Variants in RASEF observed in about 807,000 individuals in gnomAD.
The protein encoded by RASEF is RAS and EF-hand domain containing.
In RASEF, 68 loss-of-function variants were observed where a neutral mutation model predicts 90.1. The observed-to-expected ratio is 0.75, with a 90% CI of 0.62 to 0.92. The LOEUF is 0.92. Among genes scored for constraint, RASEF ranks in the 40% least tolerant of loss-of-function variants. RASEF has a pLI of 0.00. For missense variants in RASEF, 949 were observed against 937.2 expected (o/e 1.01, Z -0.16); for synonymous variants, 331 against 345.2 (o/e 0.96, Z 0.46).
At chr9:83,025,423 C>A (rs901349579) in intron 2 of RASEF, among the ~76,000 whole-genome samples, 1 of 152,212 alleles carries the variant, frequency 6.6e-6, no homozygotes, top group African/African-American at 2.4e-5. Flanking sequence ...CACAAAGTCT[C>A]ATACATGTAG....
chr9:83,011,413 G>A (rs746804277), intron 5 of RASEF, among the ~76,000 whole-genome samples: 16 of 151,770 alleles, frequency 1.1e-4, no homozygotes, highest in South Asian at 2.1e-4. Flanking sequence ...TTAGCGGGGC[G>A]TGGTGGTGCG....
At chr9:83,016,991 T>C (rs1353645162) in intron 3 of RASEF, among the ~76,000 whole-genome samples, 2 of 152,154 alleles carry the variant, frequency 1.3e-5, no homozygotes, top group African/African-American at 2.4e-5. Context: ...GTAACGTTTT[T>C]AAAAGGGGCT....
At chr9:83,017,392 C>A (rs145543052) in intron 3 of RASEF, among the ~76,000 whole-genome samples, 1 of 150,846 alleles carries the variant, frequency 6.6e-6, no homozygotes, top group Non-Finnish European at 1.5e-5. Context: ...CCCAGCTACT[C>A]GGGAGGCTGA....
the RASEF span, among the ~76,000 whole-genome samples, chr9:83,111,710 TATA>T: frequency 6.6e-6 from 1 of 152,036 alleles, no homozygotes; most frequent in Non-Finnish European, 1.5e-5. Context: ...GGTTTCCGAA[TATA>T]ATATCTTAAG....
chr9:83,148,750 T>C, the RASEF span, among the ~76,000 whole-genome samples: 1 of 152,188 alleles, frequency 6.6e-6, no homozygotes, highest in South Asian at 2.1e-4. Flanking sequence ...GCCAAGTGAA[T>C]GTAGTACCCA....
the RASEF span, among the ~76,000 whole-genome samples, chr9:83,179,062 G>T: frequency 6.6e-6 from 1 of 152,046 alleles, no homozygotes; most frequent in Non-Finnish European, 1.5e-5. Flanking sequence ...CATGACTTTT[G>T]ACATAACAAC....
intron 12 of RASEF, 26 bp downstream of exon 12, chr9:83,000,143 A>G (rs559147700): frequency 6.2e-7 from 1 of 1,605,092 alleles, no homozygotes; most frequent in South Asian, 1.1e-5. Flanking sequence ...TCATTTTCCC[A>G]TTATCAACCG....
chr9:83,214,556 C>A, the RASEF span, among the ~76,000 whole-genome samples: 1 of 152,078 alleles, frequency 6.6e-6, no homozygotes, highest in African/African-American at 2.4e-5. Context: ...TGGGTCCCCA[C>A]CCAAATCTCA....
At chr9:83,163,288 T>C in the RASEF span, among the ~76,000 whole-genome samples, 1 of 152,204 alleles carries the variant, frequency 6.6e-6, no homozygotes, top group African/African-American at 2.4e-5. Flanking sequence ...ACTAAAGGCA[T>C]GTCTACAGTA....
Position 83,007,437 on chromosome 9 carries a change from T to C in RASEF, c.1028A>G (p.Gln343Arg), listed in dbSNP as rs1420671853. The C allele has an allele frequency of 3.1e-6, 5 of 1,603,480 alleles. No individual in the cohort carries two copies. The highest frequency in any genetic ancestry group is 1.7e-4 in the Middle Eastern group (1 of 6,058). The change falls in exon 7 of 17, where the codon CAA becomes CGA. Residue 343 changes from glutamine (Q) to arginine (R), a missense_variant and splice_region_variant. Gln to Arg is a conservative substitution (Grantham distance 43, BLOSUM62 1). Transcript: ENST00000376447. ...ATGAGCATTTGATCTGCGGACTTAC[T>C]GGAGTATTTCAATTTGCCTCTCAAG... is the stretch of plus-strand genomic sequence containing the variant. ...NSLERQIEILQTANRKLHDSN... is the reference protein window; with the variant it reads ...NSLERQIEILRTANRKLHDSN...
At chr9:83,059,557 C>T (rs910756399) in intron 1 of RASEF, among the ~76,000 whole-genome samples, 1 of 152,134 alleles carries the variant, frequency 6.6e-6, no homozygotes, top group African/African-American at 2.4e-5. Flanking sequence ...ATGACCCAGG[C>T]ATCAGAAACT....
At chr9:83,132,137 T>TA in the RASEF span, among the ~76,000 whole-genome samples, 13 of 151,940 alleles carry the variant, frequency 8.6e-5, no homozygotes, top group African/African-American at 1.7e-4. Flanking sequence ...CCACTTGTAA[T>TA]AAAAAAAATA....
At chr9:83,038,714 A>C (rs993141438) in intron 1 of RASEF, among the ~76,000 whole-genome samples, 1 of 152,216 alleles carries the variant, frequency 6.6e-6, no homozygotes, top group Non-Finnish European at 1.5e-5. Context: ...GACTAGAACT[A>C]GTACATAGGA....
At chr9:83,195,471 T>C in the RASEF span, among the ~76,000 whole-genome samples, 1 of 152,144 alleles carries the variant, frequency 6.6e-6, no homozygotes, top group Non-Finnish European at 1.5e-5. Flanking sequence ...TGCTGCTAAG[T>C]CAACCCATCA....
At chr9:83,177,855 T>C in the RASEF span, among the ~76,000 whole-genome samples, 1 of 152,092 alleles carries the variant, frequency 6.6e-6, no homozygotes, top group East Asian at 1.9e-4. Flanking sequence ...TCTAGTCTTT[T>C]TTCTAGTTCT....
the RASEF span, among the ~76,000 whole-genome samples, chr9:83,111,028 G>C: frequency 2.0e-5 from 3 of 152,106 alleles, no homozygotes; most frequent in African/African-American, 7.2e-5. Flanking sequence ...TGCAGATGCT[G>C]GAATTTTTAG....
At chr9:82,996,715 A>T (rs1828926658) in intron 14 of RASEF, among the ~76,000 whole-genome samples, 1 of 152,140 alleles carries the variant, frequency 6.6e-6, no homozygotes, top group African/African-American at 2.4e-5. Context: ...ACTTCTTCCT[A>T]GGCTACCTGG....
chr9:83,038,061 C>T (rs1829775069), intron 1 of RASEF, among the ~76,000 whole-genome samples: 1 of 151,922 alleles, frequency 6.6e-6, no homozygotes, highest in African/African-American at 2.4e-5. Context: ...TATTCTGTAA[C>T]AATAGGATGG....
the RASEF span, among the ~76,000 whole-genome samples, chr9:83,089,683 T>C: frequency 6.6e-6 from 1 of 152,316 alleles, no homozygotes; most frequent in Admixed American, 6.5e-5. Flanking sequence ...TTGTTGTTTG[T>C]CTTGTTGGTT....
Sources: allele counts gnomAD v4.1 joint callset (sites outside exome capture counted in the v4.1 genomes callset), GRCh38; gene constraint gnomAD v4.1.1; transcripts MANE v1.5; gene names NCBI Gene and HGNC (gene_info 2026-07-23, HGNC 2026-07-21).